CDYL: variants seen among roughly 807,000 people sequenced by gnomAD.
The protein encoded by CDYL is chromodomain Y-like protein.
A neutral mutation model predicts 47.3 loss-of-function variants in CDYL; 8 were observed. The ratio of observed to expected loss-of-function variants is 0.17; its 90% CI spans 0.10 to 0.31. The LOEUF is 0.31. Ranked by LOEUF, CDYL falls within the 10% of genes least tolerant of loss-of-function variation. The pLI is 1.00. For synonymous variants in CDYL, 266 were observed against 265.0 expected, an observed-to-expected ratio of 1.00 and a Z score of -0.04; for missense variants, 471 against 701.4, an observed-to-expected ratio of 0.67 and a Z score of 3.71.
upstream of CDYL, among the ~76,000 whole-genome samples, chr6:4,771,962 G>A (rs1004606297): frequency 5.3e-5 from 8 of 152,152 alleles, no homozygotes; most frequent in African/African-American, 1.7e-4. Context: ...ATGGGGTAAT[G>A]TATAAAATTA....
intron 3 of CDYL, chr6:4,734,899 C>A: frequency 6.2e-7 from 1 of 1,607,386 alleles, no homozygotes; most frequent in Non-Finnish European, 8.5e-7. Flanking sequence ...CAAGGAAGAG[C>A]CCATAGGGGA....
At chr6:4,748,078 T>A (rs1014759513) in intron 3 of CDYL, among the ~76,000 whole-genome samples, 1 of 151,986 alleles carries the variant, frequency 6.6e-6, no homozygotes, top group African/African-American at 2.4e-5. Flanking sequence ...TCAGGGAGCT[T>A]CTCGACACAC....
chr6:4,842,243 T>G (rs1208094653), intron 1 of CDYL, among the ~76,000 whole-genome samples: 1 of 146,328 alleles, frequency 6.8e-6, no homozygotes, highest in Non-Finnish European at 1.5e-5. Context: ...CTAATATTAA[T>G]ATAAATAAAA....
At chr6:4,903,735 T>C (rs1757141394) in intron 2 of CDYL, among the ~76,000 whole-genome samples, 1 of 152,208 alleles carries the variant, frequency 6.6e-6, no homozygotes, top group Admixed American at 6.5e-5. Flanking sequence ...TGTTACTTGG[T>C]GTCCACACAG....
chr6:4,775,909 C>A (rs1397137036), upstream of CDYL, among the ~76,000 whole-genome samples: 2 of 150,240 alleles, frequency 1.3e-5, no homozygotes, highest in African/African-American at 4.8e-5. The surrounding 1 kb of genome is among the most constrained non-coding windows in gnomAD (Gnocchi z 7.0). Context: ...GACGGCGCGG[C>A]CGCTGCCGTC....
chr6:4,823,658 A>G (rs1759901273), intron 1 of CDYL, among the ~76,000 whole-genome samples: 1 of 152,072 alleles, frequency 6.6e-6, no homozygotes, highest in East Asian at 1.9e-4. Flanking sequence ...CAATTCCATG[A>G]TGTTAATCCA....
chr6:4,822,942 A>G (rs1759881719), intron 1 of CDYL, among the ~76,000 whole-genome samples: 1 of 152,214 alleles, frequency 6.6e-6, no homozygotes, highest in African/African-American at 2.4e-5. Context: ...ATGAACAAAT[A>G]ACTTAGCAGA....
intron 1 of CDYL, among the ~76,000 whole-genome samples, chr6:4,891,370 G>A (rs1380113361): frequency 6.6e-6 from 1 of 152,212 alleles, no homozygotes; most frequent in Non-Finnish European, 1.5e-5. Flanking sequence ...ACCAGGCACA[G>A]CTGCAGATGC....
chr6:4,838,425 A>G (rs1489627299), intron 1 of CDYL, among the ~76,000 whole-genome samples: 2 of 152,008 alleles, frequency 1.3e-5, no homozygotes, highest in Admixed American at 6.5e-5. Context: ...TTCCTGAGTT[A>G]CTTCATTTAG....
At chr6:4,922,965 T>A (rs1331433670) in intron 2 of CDYL, among the ~76,000 whole-genome samples, 1 of 152,228 alleles carries the variant, frequency 6.6e-6, no homozygotes, top group Non-Finnish European at 1.5e-5. Context: ...TTACTATTTT[T>A]ACTCAACACT....
chr6:4,925,248 T>G (rs1757832434), intron 2 of CDYL, among the ~76,000 whole-genome samples: 1 of 152,148 alleles, frequency 6.6e-6, no homozygotes. Context: ...GTGTCACTTG[T>G]TTTTACAACA....
intron 3 of CDYL, among the ~76,000 whole-genome samples, chr6:4,751,010 G>A (rs893806529): frequency 3.3e-5 from 5 of 151,714 alleles, no homozygotes; most frequent in African/African-American, 7.3e-5. Context: ...CCGCCACCAC[G>A]CCCGGCTAAT....
At chr6:4,754,082 C>T (rs1285315189) in intron 3 of CDYL, among the ~76,000 whole-genome samples, 1 of 152,074 alleles carries the variant, frequency 6.6e-6, no homozygotes, top group Non-Finnish European at 1.5e-5. Flanking sequence ...CTGCAGTGAG[C>T]TATGACTGCA....
chr6:4,899,494 T>G (rs1756952090), intron 2 of CDYL, among the ~76,000 whole-genome samples: 1 of 151,620 alleles, frequency 6.6e-6, no homozygotes, highest in Non-Finnish European at 1.5e-5. Flanking sequence ...TTCTTGGGGG[T>G]GGTAAAATGT....
chr6:4,903,760 G>A (rs1757142157), intron 2 of CDYL, among the ~76,000 whole-genome samples: 1 of 152,204 alleles, frequency 6.6e-6, no homozygotes, highest in African/African-American at 2.4e-5. Context: ...TGGCTCCTGA[G>A]TATCTTCCGT....
At chr6:4,739,664 G>A (rs1194267607) in intron 3 of CDYL, among the ~76,000 whole-genome samples, 1 of 151,694 alleles carries the variant, frequency 6.6e-6, no homozygotes, top group African/African-American at 2.4e-5. Context: ...GCATAAAAAG[G>A]TGATTGAGGC....
intron 2 of CDYL, chr6:4,718,609 A>G (rs1490760080): frequency 6.7e-6 from 1 of 148,628 alleles, no homozygotes; most frequent in Non-Finnish European, 1.5e-5. Context: ...AAAGTATAAA[A>G]AAGGTTTTTT....
At chr6:4,891,332 G>C (rs1762034217) in intron 1 of CDYL, among the ~76,000 whole-genome samples, 1 of 152,150 alleles carries the variant, frequency 6.6e-6, no homozygotes, top group Non-Finnish European at 1.5e-5. Flanking sequence ...GCTGTTGCCT[G>C]GGTGCCCGCT....
chr6:4,741,509 A>G (rs1757796763), intron 3 of CDYL, among the ~76,000 whole-genome samples: 1 of 152,148 alleles, frequency 6.6e-6, no homozygotes, highest in Non-Finnish European at 1.5e-5. Flanking sequence ...TGTGCCCCTC[A>G]TCCTCATAGT....
Sources: allele counts gnomAD v4.1 joint callset (sites outside exome capture counted in the v4.1 genomes callset), GRCh38; gene constraint gnomAD v4.1.1; non-coding constraint Gnocchi (gnomAD v3.1); transcripts MANE v1.5; gene names NCBI Gene and HGNC (gene_info 2026-07-23, HGNC 2026-07-21).